The following PRH1 variants were observed in gnomAD, a reference collection of about 807,000 sequenced individuals.
The protein encoded by PRH1 is proline rich protein HaeIII subfamily 1, also known as salivary acidic proline-rich phosphoprotein 1/2.
Under a neutral mutation model 7.9 loss-of-function variants are expected in PRH1, and 7 were observed. The ratio of observed to expected loss-of-function variants is 0.89; its 90% CI spans 0.50 to 1.67. The LOEUF is 1.67. Ranked by LOEUF, PRH1 falls within the 40% of genes most tolerant of loss-of-function variation. The pLI is 0.00. For synonymous variants in PRH1, 45 were observed against 80.8 expected, an observed-to-expected ratio of 0.56 and a Z score of 2.38; for missense variants, 109 against 223.6, an observed-to-expected ratio of 0.49 and a Z score of 3.27.
At chr12:11,070,155 C>T (rs1166991106) in intron 1 of PRH1, among the ~76,000 whole-genome samples, 4 of 124,358 alleles carry the variant, frequency 3.2e-5, no homozygotes, top group Admixed American at 8.0e-5. Context: ...GTCACAGGCG[C>T]CAGGGAGAGG....
In PRH1 at chr12:10,908,338, C is replaced by T. The variant is rs531973333; in HGVS notation, c.-58-24063G>A. On this transcript the variant is annotated intron_variant, in intron 2 of 3. Coordinates refer to the PRH1 transcript ENST00000539853. Reference sequence around the variant, plus strand: ...CCTTGTAGACTCCTGTTTCTGTCTGCAATATTCAATAATCTGTGGTCTGAA... The same window carrying T: ...CCTTGTAGACTCCTGTTTCTGTCTGTAATATTCAATAATCTGTGGTCTGAA... The T allele has an allele frequency of 7.2e-6, 11 of 1,521,884 alleles. No individual in the cohort carries two copies. The African/African-American group carries it at 8.3e-5, about 12-fold the overall frequency. The allele number at this position is 1,521,884 out of a possible 1,614,324, so 94.3% of individuals were successfully genotyped here.
At position 10,938,687 on chromosome 12, in the gene PRH1, C is replaced by T. The variant is rs532448480; in HGVS notation, c.-59+34968G>A. ...GGTTAATACAATAAGACTGGAAAAT[C>T]GTGTAAAGTTACTTGAATCAGAACT... On this transcript the variant is annotated intron_variant, in intron 2 of 3. Coordinates refer to the PRH1 transcript ENST00000539853. 8.1e-5 allele frequency: 131 copies of T among 1,613,960 alleles called. 1 individual carries two copies. In the South Asian group the frequency reaches 1.1e-3, roughly 13 times the overall value.
At position 10,997,545 on chromosome 12, in the gene PRH1, C is replaced by T. The variant is rs376156307; in HGVS notation, c.-125-23824G>A. ...TGAAAAATAAGTCTGGAGAAATTGA[C>T]GATCTTGAGCAAATAAAATATGCTG... is the stretch of plus-strand genomic sequence containing the variant. On this transcript the variant is annotated intron_variant, in intron 1 of 3. Coordinates refer to the PRH1 transcript ENST00000539853. The T allele has an allele frequency of 4.4e-5, 71 of 1,613,992 alleles. No individual in the cohort carries two copies. The African/African-American group carries it at 6.1e-4, about 14-fold the overall frequency.
At chr12:11,058,480 GAC>G (rs1329132982) in intron 1 of PRH1, among the ~76,000 whole-genome samples, 1 of 152,400 alleles carries the variant, frequency 6.6e-6, no homozygotes, top group African/African-American at 2.4e-5. Context: ...CTACAAAAGA[GAC>G]ACAGTGTTTT....
chr12:11,072,047 C>A (rs551392691), intron 1 of PRH1, among the ~76,000 whole-genome samples: 2 of 152,112 alleles, frequency 1.3e-5, no homozygotes, highest in Non-Finnish European at 2.9e-5. Flanking sequence ...GCAACTGACT[C>A]GCATATTGTT....
intron 1 of PRH1, among the ~76,000 whole-genome samples, chr12:11,152,493 CTT>C (rs1442359612): frequency 2.6e-5 from 4 of 152,022 alleles, no homozygotes; most frequent in South Asian, 2.1e-4. Context: ...GAAAATTTCT[CTT>C]CTCTCAAGAT....
chr12:11,051,482 T>C (rs1247492363), upstream of PRH1, among the ~76,000 whole-genome samples: 2 of 152,158 alleles, frequency 1.3e-5, no homozygotes, highest in African/African-American at 2.4e-5. Context: ...AAAACAAAAA[T>C]GGAAAACATA....
chr12:11,133,696 T>C (rs1475412929), intron 1 of PRH1: 1 of 1,614,254 alleles, frequency 6.2e-7, no homozygotes. Flanking sequence ...GTACAAAGTT[T>C]GCTAGCATGG....
chr12:10,922,989 C>T (rs867075183), intron 2 of PRH1, among the ~76,000 whole-genome samples: 4 of 149,814 alleles, frequency 2.7e-5, no homozygotes, highest in Non-Finnish European at 4.4e-5. Context: ...CCACCGCGCC[C>T]GGCTAATTTT....
At chr12:11,046,536 T>A (rs1195617768) in intron 1 of PRH1, among the ~76,000 whole-genome samples, 1 of 152,122 alleles carries the variant, frequency 6.6e-6, no homozygotes, top group Non-Finnish European at 1.5e-5. Flanking sequence ...GTTTTAGTCC[T>A]CTGCCTGGTG....
chr12:10,990,694 A>C (rs1435975784), intron 1 of PRH1, among the ~76,000 whole-genome samples: 1 of 152,238 alleles, frequency 6.6e-6, no homozygotes, highest in Non-Finnish European at 1.5e-5. Context: ...AGAACTAGAA[A>C]GAATAATTAG....
chr12:11,025,687 T>G (rs1193412640), intron 1 of PRH1, among the ~76,000 whole-genome samples: 2 of 152,292 alleles, frequency 1.3e-5, no homozygotes, highest in East Asian at 3.8e-4. Flanking sequence ...GTCTGTAGCA[T>G]CAATGTGTTA....
intron 1 of PRH1, among the ~76,000 whole-genome samples, chr12:11,168,733 TG>T (rs1947715317): frequency 6.6e-6 from 1 of 152,132 alleles, no homozygotes; most frequent in African/African-American, 2.4e-5. Flanking sequence ...CTATAAAAGC[TG>T]AAAAACAGTA....
chr12:10,923,968 C>G (rs1208713543), intron 2 of PRH1, among the ~76,000 whole-genome samples: 2 of 94,400 alleles, frequency 2.1e-5, no homozygotes, highest in Admixed American at 1.0e-4. Context: ...GTGATAAGTT[C>G]TTTTTATTCA....
intron 1 of PRH1, chr12:10,986,934 A>C (rs1939671156): frequency 5.7e-6 from 6 of 1,048,226 alleles, no homozygotes; most frequent in Non-Finnish European, 8.0e-6. Context: ...CTCTGACCTT[A>C]AATTTTATGT....
In PRH1 at chr12:10,975,332, A is replaced by G. The variant is rs369030716; in HGVS notation, c.-125-1611T>C. Reference sequence around the variant, plus strand: ...TTCGTATCCACCCAAACTAAGCTTCATAAGTGAAGGGGAAATAAGATCTTT... The same window carrying G: ...TTCGTATCCACCCAAACTAAGCTTCGTAAGTGAAGGGGAAATAAGATCTTT... On this transcript the variant is annotated intron_variant, in intron 1 of 3. Transcript: ENST00000539853. 6.6e-5 allele frequency among the ~76,000 whole-genome samples: 10 copies of G among 152,360 alleles called. No individual in the cohort carries two copies. The South Asian group carries it at 1.2e-3, about 19-fold the overall frequency.
chr12:11,055,788 C>T (rs541946594), intron 1 of PRH1, among the ~76,000 whole-genome samples: 1 of 148,736 alleles, frequency 6.7e-6, no homozygotes, highest in African/African-American at 2.5e-5. Flanking sequence ...ATAGATCCTA[C>T]ATCAGATGCC....
At chr12:11,040,743 T>C (rs895654320) in intron 1 of PRH1, among the ~76,000 whole-genome samples, 4 of 152,274 alleles carry the variant, frequency 2.6e-5, no homozygotes, top group African/African-American at 9.6e-5. Context: ...TTTGAAGACA[T>C]AGACAGTACA....
At chr12:11,034,872 G>T (rs1318821229) in intron 1 of PRH1, 1 of 152,978 alleles carries the variant, frequency 6.5e-6, no homozygotes, top group African/African-American at 2.4e-5. Flanking sequence ...GGATAACAGA[G>T]TGAGACTCCA....
Sources: allele counts gnomAD v4.1 joint callset (sites outside exome capture counted in the v4.1 genomes callset), GRCh38; gene constraint gnomAD v4.1.1; transcripts MANE v1.5; gene names NCBI Gene and HGNC (gene_info 2026-07-23, HGNC 2026-07-21).